Variants in NPAS3 observed in about 807,000 individuals in gnomAD.
The protein encoded by NPAS3 is neuronal PAS domain protein 3.
Under a neutral mutation model 73.1 loss-of-function variants are expected in NPAS3, and 14 were observed. That is an observed-to-expected ratio of 0.19 (90% CI 0.13 to 0.30). The LOEUF is 0.30. NPAS3 is among the 10% of genes least tolerant of loss of function. NPAS3 has a pLI of 1.00. For missense variants in NPAS3, 1,096 were observed against 1,250.0 expected, an observed-to-expected ratio of 0.88 and a Z score of 1.86; for synonymous variants, 620 against 541.5, an observed-to-expected ratio of 1.14 and a Z score of -2.01.
chr14:33,371,403 A>T (rs566186143), intron 4 of NPAS3, among the ~76,000 whole-genome samples: 1 of 152,256 alleles, frequency 6.6e-6, no homozygotes, highest in South Asian at 2.1e-4. Context: ...ATGTAGTGAG[A>T]GTATGTTTAT....
intron 2 of NPAS3, among the ~76,000 whole-genome samples, chr14:33,111,030 G>A (rs78392425): frequency 0.014 from 2,082 of 152,270 alleles, 46 homozygotes; most frequent in African/African-American, 0.048. Context: ...TCTGAAGAGC[G>A]ACTTTGGCCA....
At chr14:33,377,426 C>T (rs2046356721) in intron 4 of NPAS3, among the ~76,000 whole-genome samples, 2 of 152,304 alleles carry the variant, frequency 1.3e-5, no homozygotes, top group African/African-American at 4.8e-5. Flanking sequence ...CAGCCATCGA[C>T]CATTGCTATA....
chr14:33,610,647 G>A (rs1045204974), intron 5 of NPAS3, among the ~76,000 whole-genome samples: 2 of 152,160 alleles, frequency 1.3e-5, no homozygotes, highest in Non-Finnish European at 2.9e-5. Flanking sequence ...GATCAAAATA[G>A]CAATGTAGCT....
chr14:33,331,678 A>G (rs1230041331), intron 3 of NPAS3, among the ~76,000 whole-genome samples: 1 of 152,196 alleles, frequency 6.6e-6, no homozygotes, highest in Non-Finnish European at 1.5e-5. Flanking sequence ...GGAACAATAT[A>G]TAAGCTAAGC....
chr14:32,981,035 C>G (rs988491362), intron 1 of NPAS3, among the ~76,000 whole-genome samples: 1 of 152,160 alleles, frequency 6.6e-6, no homozygotes, highest in Non-Finnish European at 1.5e-5. Flanking sequence ...GTTAGAGGCT[C>G]ACACAGAAGA....
At chr14:32,979,087 A>G (rs573363389) in intron 1 of NPAS3, among the ~76,000 whole-genome samples, 2 of 152,362 alleles carry the variant, frequency 1.3e-5, no homozygotes, top group South Asian at 4.1e-4. Flanking sequence ...TGTGAATCTC[A>G]TAGTATTCTT....
At chr14:33,475,407 T>A (rs1486413096) in intron 4 of NPAS3, among the ~76,000 whole-genome samples, 1 of 152,170 alleles carries the variant, frequency 6.6e-6, no homozygotes, top group Non-Finnish European at 1.5e-5. Context: ...ACATCAAAAA[T>A]CATAGGTCTG....
intron 4 of NPAS3, among the ~76,000 whole-genome samples, chr14:33,442,348 G>C (rs1475756563): frequency 6.6e-6 from 1 of 152,144 alleles, no homozygotes; most frequent in South Asian, 2.1e-4. Flanking sequence ...GAGGTGGGAG[G>C]AGGGAGGATT....
At chr14:33,087,198 A>ACTATATAGTATACAATATAATATTGT (rs1566545932) in intron 2 of NPAS3, among the ~76,000 whole-genome samples, 1 of 113,822 alleles carries the variant, frequency 8.8e-6, no homozygotes, top group Non-Finnish European at 1.8e-5. Flanking sequence ...AATATTGTAT[A>ACTATATAGTATACAATATAATATTGT]ATAATATAGT....
At chr14:33,237,393 T>C (rs2048070669) in intron 3 of NPAS3, among the ~76,000 whole-genome samples, 1 of 152,112 alleles carries the variant, frequency 6.6e-6, no homozygotes, top group Non-Finnish European at 1.5e-5. Flanking sequence ...AACACATTCT[T>C]GACTGAATAA....
At chr14:33,580,940 C>G (rs987937711) in intron 5 of NPAS3, among the ~76,000 whole-genome samples, 1 of 152,184 alleles carries the variant, frequency 6.6e-6, no homozygotes, top group Admixed American at 6.5e-5. Flanking sequence ...CTTCTAAACC[C>G]AAGTATTCAT....
intron 5 of NPAS3, among the ~76,000 whole-genome samples, chr14:33,606,901 T>C (rs1255526846): frequency 6.6e-6 from 1 of 152,112 alleles, no homozygotes; most frequent in East Asian, 1.9e-4. Flanking sequence ...AAAAAAAAAT[T>C]TAATGGGCAA....
At chr14:33,744,338 C>A (rs774374058) in intron 7 of NPAS3, among the ~76,000 whole-genome samples, 3 of 152,128 alleles carry the variant, frequency 2.0e-5, no homozygotes, top group Non-Finnish European at 4.4e-5. Context: ...GGGAGAGAGA[C>A]TGGGGAACAG....
At chr14:33,777,560 T>TAAA (rs5807745) in intron 8 of NPAS3, among the ~76,000 whole-genome samples, 5 of 140,832 alleles carry the variant, frequency 3.6e-5, no homozygotes, top group African/African-American at 1.3e-4. Context: ...CCGTAAGTCA[T>TAAA]AAAAAAAAAA....
intron 3 of NPAS3, among the ~76,000 whole-genome samples, chr14:33,311,680 A>G (rs183223108): frequency 2.5e-4 from 38 of 152,262 alleles, no homozygotes; most frequent in African/African-American, 8.9e-4. Flanking sequence ...TTTATCATAG[A>G]GCTGTACCAA....
chr14:33,544,825 A>ATATAAT lies in NPAS3; in HGVS notation c.469-15293_469-15292insAATTAT. ...ATATATATATATGTATATATAATAT[A>ATATAAT]TATGTGTATATATATATTATATATA... On this transcript the variant is annotated intron_variant, in intron 4 of 11. Transcript: ENST00000356141. 1.7e-3 allele frequency among the ~76,000 whole-genome samples: 189 copies of ATATAAT among 111,798 alleles called. 9 individuals are homozygous for ATATAAT. The Middle Eastern group carries it at 0.023, about 14-fold the overall frequency. The allele number at this position is 111,798 out of a possible 152,430, so 73.3% of individuals were successfully genotyped here. A position where few individuals can be genotyped will look rare whatever the true frequency, so the allele number is the denominator to read the frequency against.
intron 5 of NPAS3, among the ~76,000 whole-genome samples, chr14:33,649,368 A>ATAGT (rs1235361118): frequency 2.0e-5 from 3 of 152,260 alleles, no homozygotes; most frequent in Non-Finnish European, 4.4e-5. Flanking sequence ...GGAAACCAGC[A>ATAGT]TAGTTACACC....
At chr14:33,305,730 C>T (rs755462139) in intron 3 of NPAS3, among the ~76,000 whole-genome samples, 1 of 152,144 alleles carries the variant, frequency 6.6e-6, no homozygotes, top group Non-Finnish European at 1.5e-5. Context: ...CCAAAGGTTA[C>T]AGAATCTCAC....
At chr14:33,695,219 C>A (rs2060343173) in intron 6 of NPAS3, among the ~76,000 whole-genome samples, 2 of 152,112 alleles carry the variant, frequency 1.3e-5, no homozygotes, top group African/African-American at 2.4e-5. Flanking sequence ...AAAGTATTTT[C>A]TTTGAATACA....
Sources: gnomAD v4.1 joint callset for allele counts (sites outside exome capture counted in the v4.1 genomes callset) on GRCh38, gnomAD v4.1.1 for gene constraint, MANE v1.5 for transcripts, NCBI Gene and HGNC (gene_info 2026-07-23, HGNC 2026-07-21) for gene names.